The following NXPE2 variants were observed in gnomAD, a reference collection of about 807,000 sequenced individuals.
NXPE2 encodes the protein NXPE family member 2.
A neutral mutation model predicts 34.4 loss-of-function variants in NXPE2; 34 were observed. The observed-to-expected ratio is 0.99, with a 90% confidence interval of 0.75 to 1.31. The LOEUF is 1.31. NXPE2 is among the 40% of genes most tolerant of loss of function. The pLI, the probability that NXPE2 is intolerant of heterozygous loss-of-function variation, is 0.00. For synonymous variants in NXPE2, 235 were observed against 231.3 expected, an observed-to-expected ratio of 1.02 and a Z score of -0.15; for missense variants, 649 against 672.5, an observed-to-expected ratio of 0.97 and a Z score of 0.39.
At chr11:114,596,321 G>C in the NXPE2 span, among the ~76,000 whole-genome samples, 2 of 152,178 alleles carry the variant, frequency 1.3e-5, no homozygotes, top group African/African-American at 4.8e-5. Context: ...TGAAAACAGT[G>C]CTGGAAAGAG....
At chr11:114,759,713 G>T in the NXPE2 span, among the ~76,000 whole-genome samples, 4 of 152,116 alleles carry the variant, frequency 2.6e-5, no homozygotes, top group African/African-American at 9.7e-5. Flanking sequence ...TAGAGATTAT[G>T]TTCTAATTTT....
the NXPE2 span, among the ~76,000 whole-genome samples, chr11:114,555,918 T>G: frequency 3.3e-5 from 5 of 152,348 alleles, no homozygotes; most frequent in South Asian, 6.2e-4. Context: ...TGATAAATAT[T>G]TGGGTTGTTT....
At chr11:114,769,229 A>G in the NXPE2 span, among the ~76,000 whole-genome samples, 64,330 of 152,020 alleles carry the variant, frequency 0.42, 15,329 homozygotes, top group South Asian at 0.6. Context: ...ACCATTGGTC[A>G]TTAGAGAAAT....
chr11:114,704,548 C>G (rs545650734), intron 4 of NXPE2, among the ~76,000 whole-genome samples: 1 of 152,330 alleles, frequency 6.6e-6, no homozygotes, highest in South Asian at 2.1e-4. Flanking sequence ...AACCATTTCA[C>G]TCATAGAAGT....
At chr11:114,726,983 A>G in the NXPE2 span, among the ~76,000 whole-genome samples, 1 of 96,698 alleles carries the variant, frequency 1.0e-5, no homozygotes, top group Non-Finnish European at 2.4e-5. Context: ...TCTTTCTGAG[A>G]TCTCACCAGA....
chr11:114,533,503 A>T, the NXPE2 span, among the ~76,000 whole-genome samples: 1 of 152,224 alleles, frequency 6.6e-6, no homozygotes, highest in African/African-American at 2.4e-5. Context: ...CTCACCCGGG[A>T]AGCACAAGCG....
At chr11:114,466,461 C>G in the NXPE2 span, among the ~76,000 whole-genome samples, 3 of 152,100 alleles carry the variant, frequency 2.0e-5, no homozygotes, top group African/African-American at 7.2e-5. Context: ...CCCTGGTGAG[C>G]AGCACTGGAT....
the NXPE2 span, chr11:114,584,329 C>G: frequency 2.1e-6 from 1 of 483,092 alleles, no homozygotes; most frequent in South Asian, 1.7e-5. Flanking sequence ...TAATGAGTAC[C>G]TGGAGAAGAT....
chr11:114,624,298 G>C, the NXPE2 span, among the ~76,000 whole-genome samples: 12 of 152,002 alleles, frequency 7.9e-5, no homozygotes, highest in African/African-American at 2.7e-4. Context: ...CTGTTACCCG[G>C]TGGATAATAA....
chr11:114,712,573 C>T, the NXPE2 span, among the ~76,000 whole-genome samples: 1 of 152,170 alleles, frequency 6.6e-6, no homozygotes, highest in Non-Finnish European at 1.5e-5. Flanking sequence ...GAGGTATCAC[C>T]TCACATCCAT....
the NXPE2 span, among the ~76,000 whole-genome samples, chr11:114,602,835 A>G: frequency 6.8e-6 from 1 of 147,022 alleles, no homozygotes; most frequent in African/African-American, 2.5e-5. Flanking sequence ...ATTATCTCAT[A>G]TAATTACAGA....
chr11:114,638,393 C>T, the NXPE2 span, among the ~76,000 whole-genome samples: 4 of 152,030 alleles, frequency 2.6e-5, no homozygotes, highest in African/African-American at 9.6e-5. Flanking sequence ...TTTTTAACTT[C>T]TTTGCCTTCG....
At chr11:114,799,611 C>CGATG in the NXPE2 span, among the ~76,000 whole-genome samples, 1 of 152,114 alleles carries the variant, frequency 6.6e-6, no homozygotes, top group African/African-American at 2.4e-5. Context: ...GGAGACTTGC[C>CGATG]GATGTGTTCT....
the NXPE2 span, among the ~76,000 whole-genome samples, chr11:114,476,393 A>G: frequency 6.6e-6 from 1 of 152,190 alleles, no homozygotes; most frequent in Non-Finnish European, 1.5e-5. Flanking sequence ...TCCTCTCTCC[A>G]CAAATATATC....
the NXPE2 span, among the ~76,000 whole-genome samples, chr11:114,653,550 T>G: frequency 1.9e-4 from 28 of 150,838 alleles, no homozygotes; most frequent in Non-Finnish European, 3.8e-4. Context: ...TTTTTTTTTT[T>G]TTTTAGACAG....
chr11:114,523,942 A>G, the NXPE2 span, among the ~76,000 whole-genome samples: 2 of 152,232 alleles, frequency 1.3e-5, no homozygotes, highest in Non-Finnish European at 2.9e-5. Flanking sequence ...AATGACTTAA[A>G]AATAAAAGAT....
intron 2 of NXPE2, among the ~76,000 whole-genome samples, chr11:114,684,243 C>T (rs979373005): frequency 1.8e-4 from 28 of 151,938 alleles, no homozygotes; most frequent in African/African-American, 4.3e-4. Context: ...CTGGCTAACA[C>T]GGTGAAACCC....
At chr11:114,764,219 A>T in the NXPE2 span, among the ~76,000 whole-genome samples, 1 of 152,184 alleles carries the variant, frequency 6.6e-6, no homozygotes, top group Non-Finnish European at 1.5e-5. Context: ...GGGTTTGGGG[A>T]TAGCTAGATG....
At chr11:114,542,159 AT>A in the NXPE2 span, among the ~76,000 whole-genome samples, 2 of 152,108 alleles carry the variant, frequency 1.3e-5, no homozygotes, top group Non-Finnish European at 2.9e-5. Context: ...CTTTATCCTT[AT>A]TTATGTCTTT....
Sources: allele counts gnomAD v4.1 joint callset (sites outside exome capture counted in the v4.1 genomes callset), GRCh38; gene constraint gnomAD v4.1.1; transcripts MANE v1.5; gene names NCBI Gene and HGNC (gene_info 2026-07-23, HGNC 2026-07-21).